ATAD5: variants seen among roughly 807,000 people sequenced by gnomAD.
ATAD5 encodes the protein ATPase family AAA domain containing 5, also known as ATPase family AAA domain-containing protein 5.
In ATAD5, 58 loss-of-function variants were observed where a neutral mutation model predicts 176.9. The observed-to-expected ratio is 0.33, with a 90% confidence interval of 0.27 to 0.41. The LOEUF (loss-of-function observed/expected upper bound fraction) is 0.41. ATAD5 is among the 10% of genes least tolerant of loss of function. The pLI is 1.00. For synonymous variants in ATAD5, 640 were observed against 712.6 expected (o/e 0.90, Z 1.62); for missense variants, 1,789 against 2,094.1 (o/e 0.85, Z 2.84).
intron 6 of ATAD5, among the ~76,000 whole-genome samples, chr17:30,852,108 TGTTA>T (rs1296708333): frequency 6.6e-6 from 1 of 152,238 alleles, no homozygotes; most frequent in Non-Finnish European, 1.5e-5. Context: ...ATTCTTTCTT[TGTTA>T]GTTGGCTGCT....
chr17:30,887,160 C>T, intron 18 of ATAD5, 32 bp from the exon 19 acceptor site: 1 of 1,525,808 alleles, frequency 6.6e-7, no homozygotes, highest in East Asian at 2.4e-5. Flanking sequence ...TTGAACTCAG[C>T]AGTTAACCAC....
chr17:30,865,431 C>T (rs866138600), intron 10 of ATAD5, among the ~76,000 whole-genome samples: 1 of 152,070 alleles, frequency 6.6e-6, no homozygotes, highest in Non-Finnish European at 1.5e-5. Flanking sequence ...CTCAGCCTCC[C>T]AAAGTGCTGG....
intron 19 of ATAD5, among the ~76,000 whole-genome samples, chr17:30,887,935 A>C (rs1909409628): frequency 6.6e-6 from 1 of 151,994 alleles, no homozygotes; most frequent in Admixed American, 6.6e-5. Context: ...AGGTTCAAGC[A>C]ATTCTCCTGC....
chr17:30,884,260 A>G (rs934983366), intron 18 of ATAD5, among the ~76,000 whole-genome samples: 6 of 151,512 alleles, frequency 4.0e-5, no homozygotes, highest in Admixed American at 3.3e-4. Flanking sequence ...GTTTCAAGCA[A>G]TTCTCCTGCC....
At chr17:30,880,946 T>C (rs1211918225) in intron 18 of ATAD5, among the ~76,000 whole-genome samples, 1 of 152,074 alleles carries the variant, frequency 6.6e-6, no homozygotes, top group Non-Finnish European at 1.5e-5. Flanking sequence ...AAAGTTCTCA[T>C]GGACCCTTTC....
At chr17:30,860,930 T>C (rs1230721963) in intron 10 of ATAD5, among the ~76,000 whole-genome samples, 1 of 150,926 alleles carries the variant, frequency 6.6e-6, no homozygotes, top group Non-Finnish European at 1.5e-5. Context: ...TTTTTTGAGA[T>C]GGAGTCTTGC....
chr17:30,884,465 G>T, intron 18 of ATAD5, among the ~76,000 whole-genome samples: 1 of 96,126 alleles, frequency 1.0e-5, no homozygotes, highest in Admixed American at 1.6e-4. Context: ...GTCTTGCTCT[G>T]TCACCTGGGC....
At chr17:30,855,892 C>T (rs1328351471) in intron 7 of ATAD5, among the ~76,000 whole-genome samples, 1 of 151,610 alleles carries the variant, frequency 6.6e-6, no homozygotes, top group African/African-American at 2.4e-5. Flanking sequence ...TTTAGCCTTT[C>T]TTCTGTACGT....
At chr17:30,837,462 T>G in intron 3 of ATAD5, 148 bp downstream of exon 3, 1 of 590,108 alleles carries the variant, frequency 1.7e-6, no homozygotes, top group Non-Finnish European at 3.0e-6. Context: ...ATGATATTTT[T>G]CACTATTATC....
chr17:30,837,789 G>A (rs1013644194), intron 3 of ATAD5, among the ~76,000 whole-genome samples: 1 of 152,186 alleles, frequency 6.6e-6, no homozygotes, highest in African/African-American at 2.4e-5. Context: ...CCACCCTCAT[G>A]ACCTAATCAC....
At chr17:30,837,993 T>C (rs985240200) in intron 3 of ATAD5, among the ~76,000 whole-genome samples, 2 of 152,224 alleles carry the variant, frequency 1.3e-5, no homozygotes, top group Admixed American at 1.3e-4. Flanking sequence ...GGCTGGATAA[T>C]TCTTTACTGT....
At chr17:30,887,723 A>C (rs1909397998) in intron 19 of ATAD5, among the ~76,000 whole-genome samples, 1 of 152,180 alleles carries the variant, frequency 6.6e-6, no homozygotes, top group African/African-American at 2.4e-5. Flanking sequence ...CTGAGGTAGG[A>C]GGATCACATG....
At chr17:30,860,925 T>G (rs1451631510) in intron 10 of ATAD5, among the ~76,000 whole-genome samples, 3 of 149,756 alleles carry the variant, frequency 2.0e-5, no homozygotes, top group African/African-American at 4.9e-5. Context: ...TTTTTTTTTT[T>G]GAGATGGAGT....
At position 30,834,196 on chromosome 17, in the gene ATAD5, A is replaced by C. The variant is rs1253880633; in HGVS notation, c.115A>C (p.Ile39Leu). Residue 39 changes from isoleucine to leucine, a missense_variant, in exon 2 of 23, where the codon ATT becomes CTT. Physicochemically the swap from Ile to Leu is conservative, Grantham distance 5 (BLOSUM62 2). Around this residue, in one of 6 missense-constraint regions of ATAD5, gnomAD observed 696 missense variants for 712.5 expected, o/e 0.98. Coordinates refer to ENST00000321990, the MANE Select transcript of ATAD5 (RefSeq NM_024857.5). Reference sequence around the variant, plus strand: ...TGATGACACATCTACCTGCAAAACAATTACAAAATATTTATCACCACTAGG... The same window carrying C: ...TGATGACACATCTACCTGCAAAACACTTACAAAATATTTATCACCACTAGG... ...KDDDTSTCKT[I>L]TKYLSPLGKT... The C allele has an allele frequency of 6.3e-7, 1 of 1,589,828 alleles. No homozygotes were observed. The highest frequency in any genetic ancestry group is 8.5e-7 in the Non-Finnish European group (1 of 1,172,764).
At chr17:30,855,394 G>A in intron 7 of ATAD5, 67 bp downstream of exon 7, 1 of 1,414,574 alleles carries the variant, frequency 7.1e-7, no homozygotes, top group Non-Finnish European at 9.5e-7. Flanking sequence ...AACTATGTAA[G>A]TTTCTTAAAG....
chr17:30,868,360 T>C lies in ATAD5; in HGVS notation c.3261T>C (p.Ala1087=). ...GGTTGAAAGACTGGAAAAGAAGAGC[T>C]GAATTGGAAGAAAGGCAGAATCTGA... ...HSWLKDWKRR[A]ELEERQNLKG... is the part of the protein sequence containing the mutation. Residue 1087 remains alanine, a synonymous_variant, in exon 12 of 23, where the codon GCT becomes GCC. Coordinates refer to ENST00000321990, the MANE Select transcript of ATAD5 (RefSeq NM_024857.5). 6.3e-7 allele frequency: 1 copy of C among 1,584,308 alleles called. No individual in the cohort carries two copies. The highest frequency in any genetic ancestry group is 8.6e-7 in the Non-Finnish European group (1 of 1,168,806).
Position 30,894,006 on chromosome 17 carries a change from C to G in ATAD5, c.5153C>G (p.Thr1718Ser). Residue 1718 changes from threonine (T) to serine (S), a missense_variant, in exon 21 of 23, where the codon ACT (threonine) becomes AGT (serine). Physicochemically the swap from Thr to Ser is moderately conservative, Grantham distance 58 (BLOSUM62 1). Coordinates refer to ENST00000321990, the MANE Select transcript of ATAD5 (RefSeq NM_024857.5). ...LKAAAEALSF[T>S]KCSSAISKAL... ...GCAGCTGCAGAAGCTCTCAGCTTTACTAAATGTTCTTCTGCTATTTCAAAA... is the reference window on the plus strand; with the variant it reads ...GCAGCTGCAGAAGCTCTCAGCTTTAGTAAATGTTCTTCTGCTATTTCAAAA... 1 of 1,613,698 alleles carries G rather than the reference C, an allele frequency of 6.2e-7. No homozygotes were observed. Among genetic ancestry groups the G allele is most frequent in the Non-Finnish European group, 8.5e-7 (1 of 1,179,748 alleles).
chr17:30,839,303 T>C (rs1905940521), intron 3 of ATAD5, among the ~76,000 whole-genome samples: 1 of 152,166 alleles, frequency 6.6e-6, no homozygotes, highest in Non-Finnish European at 1.5e-5. Flanking sequence ...TTTTTTCTTT[T>C]TGAGACGGAG....
chr17:30,873,332 T>C (rs1339171140), intron 14 of ATAD5, among the ~76,000 whole-genome samples: 1 of 151,404 alleles, frequency 6.6e-6, no homozygotes, highest in African/African-American at 2.4e-5. Context: ...TTTTTTTTTT[T>C]TTTTGAGACG....
Sources: allele counts gnomAD v4.1 joint callset (sites outside exome capture counted in the v4.1 genomes callset), GRCh38; gene constraint gnomAD v4.1.1; regional missense constraint gnomAD v4.1.1; transcripts MANE v1.5; gene names NCBI Gene and HGNC (gene_info 2026-07-23, HGNC 2026-07-21).